TIPARP: variants seen among roughly 807,000 people sequenced by gnomAD.
TIPARP encodes the protein protein mono-ADP-ribosyltransferase TIPARP.
Under a neutral mutation model 56.5 loss-of-function variants are expected in TIPARP, and 12 were observed. The observed-to-expected ratio is 0.21, with a 90% CI of 0.14 to 0.34. TIPARP has a LOEUF of 0.34. Ranked by LOEUF, TIPARP falls within the 10% of genes least tolerant of loss-of-function variation. TIPARP has a pLI of 1.00. For synonymous variants in TIPARP, 296 were observed against 265.7 expected (o/e 1.11, Z -1.11); for missense variants, 604 against 781.6 (o/e 0.77, Z 2.71).
At chr3:156,695,785 CT>C in intron 3 of TIPARP, 79 bp from the exon 4 acceptor site, 1 of 1,449,428 alleles carries the variant, frequency 6.9e-7, no homozygotes, top group African/African-American at 1.5e-5. Context: ...TAACTTTTGC[CT>C]TTGGTTAATT....
At chr3:156,686,242 C>A (rs1008890943) in intron 2 of TIPARP, among the ~76,000 whole-genome samples, 1 of 152,146 alleles carries the variant, frequency 6.6e-6, no homozygotes, top group Admixed American at 6.5e-5. Context: ...AAATTTGTTA[C>A]TCAGAAATAA....
intron 2 of TIPARP, among the ~76,000 whole-genome samples, chr3:156,679,475 G>A (rs527668764): frequency 3.9e-5 from 6 of 152,308 alleles, no homozygotes; most frequent in Admixed American, 3.3e-4. Context: ...TATATAATAA[G>A]CATTAATGTT....
rs540275859 is a variant in TIPARP at position 156,693,882 on chromosome 3, T to A, written c.918-138T>A. 15 of 1,008,508 alleles carry A rather than the reference T, an allele frequency of 1.5e-5. No individual in the cohort carries two copies. In the African/African-American group the frequency reaches 1.7e-4, roughly 11 times the overall value. The allele number at this position is 1,008,508 out of a possible 1,614,324, so 62.5% of individuals were successfully genotyped here. ...CAACCGGCAATAAATATGCTTTTAC[T>A]CCAAGTAAAGCAAGTTTTGAAAATT... On this transcript the variant is annotated intron_variant, in intron 2 of 5. Coordinates refer to ENST00000295924, the MANE Select transcript of TIPARP (RefSeq NM_015508.5).
At chr3:156,694,783 T>A (rs552181347) in intron 3 of TIPARP, among the ~76,000 whole-genome samples, 1 of 152,332 alleles carries the variant, frequency 6.6e-6, no homozygotes, top group East Asian at 1.9e-4. Flanking sequence ...GAATGACAAT[T>A]CTGAGTCATT....
chr3:156,696,320 A>G (rs1722714230), intron 4 of TIPARP, among the ~76,000 whole-genome samples: 1 of 152,150 alleles, frequency 6.6e-6, no homozygotes, highest in Non-Finnish European at 1.5e-5. Context: ...TACCTCCTTC[A>G]TGGAAGATTT....
rs1373068707 is a variant in TIPARP, at chr3:156,674,605, AG to A, written c.-231del. The A allele has an allele frequency of 2.6e-5, 4 of 152,602 alleles. No homozygotes were observed. Among genetic ancestry groups the A allele is most frequent in the African/African-American group, 9.6e-5 (4 of 41,470 alleles). 9.5% of individuals were successfully genotyped at this position (152,602 alleles called of 1,614,324 possible). A position where few individuals can be genotyped will look rare whatever the true frequency, so the allele number is the denominator to read the frequency against. ...CACTTAAAGCAGAGATCGAGGTGACAGGCGAGCTGGCTGGACTCGGAGCGCG... is the reference window on the plus strand; with the variant it reads ...CACTTAAAGCAGAGATCGAGGTGACAGCGAGCTGGCTGGACTCGGAGCGCG... On this transcript the variant is annotated 5_prime_UTR_variant, in exon 1 of 6. Coordinates refer to ENST00000295924, the MANE Select transcript of TIPARP (RefSeq NM_015508.5).
At chr3:156,689,576 A>G (rs1722515206) in intron 2 of TIPARP, among the ~76,000 whole-genome samples, 1 of 152,210 alleles carries the variant, frequency 6.6e-6, no homozygotes, top group Admixed American at 6.5e-5. Context: ...TTTGTTGTAA[A>G]TTCACTGGTG....
At chr3:156,675,391 G>A (rs979195327) in intron 1 of TIPARP, 3 of 152,334 alleles carry the variant, frequency 2.0e-5, no homozygotes, top group African/African-American at 4.8e-5. Context: ...CTCCTCGGGA[G>A]GTGAGCTGAG....
chr3:156,699,664 G>C (rs1239726813), intron 4 of TIPARP, among the ~76,000 whole-genome samples: 1 of 152,028 alleles, frequency 6.6e-6, no homozygotes, highest in Non-Finnish European at 1.5e-5. Flanking sequence ...TTATTGCAGT[G>C]GTCTGGAATA....
In TIPARP at chr3:156,698,486, A is replaced by C. The variant is rs1003544719; in HGVS notation, c.1247+2461A>C. Among the ~76,000 whole-genome samples the C allele has an allele frequency of 1.3e-5, 2 of 152,208 alleles. 1 individual carries two copies. The highest frequency in any genetic ancestry group is 6.3e-3 in the Middle Eastern group (2 of 316). ...AAGTTGAAGCCTAGGGCCCTTGAAA[A>C]TTGTGCTAAATCTACTCTGCCTGTG... On this transcript the variant is annotated intron_variant, in intron 4 of 5. Coordinates refer to ENST00000295924, the MANE Select transcript of TIPARP (RefSeq NM_015508.5).
In TIPARP at chr3:156,678,380, A is replaced by C; in HGVS notation, c.683A>C (p.Asn228Thr). ...ASLDLVFELV[N>T]QLQYHTHQEN... ...CTTGACCTCGTGTTTGAGCTGGTGA[A>C]CCAGTTGCAGTACCACACTCACCAA... The change falls in exon 2 of 6, where the codon AAC becomes ACC. Residue 228 changes from asparagine (N) to threonine (T), a missense_variant. Around this residue, in one of 4 missense-constraint regions of TIPARP, gnomAD observed 261 missense variants for 279.2 expected, o/e 0.93. Coordinates refer to ENST00000295924, the MANE Select transcript of TIPARP (RefSeq NM_015508.5). 1 of 1,614,242 alleles carries C rather than the reference A, an allele frequency of 6.2e-7. No individual in the cohort carries two copies. Among genetic ancestry groups the C allele is most frequent in the South Asian group, 1.1e-5 (1 of 91,092 alleles).
At chr3:156,695,477 C>T (rs1267756214) in intron 3 of TIPARP, among the ~76,000 whole-genome samples, 2 of 151,978 alleles carry the variant, frequency 1.3e-5, no homozygotes, top group East Asian at 3.9e-4. Context: ...TCTCTGCCTC[C>T]CAAAGCGTGG....
intron 1 of TIPARP, among the ~76,000 whole-genome samples, chr3:156,677,373 C>A (rs926396754): frequency 6.6e-6 from 1 of 152,162 alleles, no homozygotes; most frequent in African/African-American, 2.4e-5. Context: ...AAATTCTTAA[C>A]CTAGCAGAAT....
chr3:156,676,400 A>G (rs973102193), intron 1 of TIPARP, among the ~76,000 whole-genome samples: 1 of 152,222 alleles, frequency 6.6e-6, no homozygotes, highest in Non-Finnish European at 1.5e-5. Flanking sequence ...TGACTCTCCA[A>G]TTAAATTTTT....
chr3:156,679,470 A>G (rs1722236990), intron 2 of TIPARP, among the ~76,000 whole-genome samples: 1 of 152,252 alleles, frequency 6.6e-6, no homozygotes. Context: ...ATGGCTATAT[A>G]ATAAGCATTA....
chr3:156,685,660 G>A (rs1164621215), intron 2 of TIPARP, among the ~76,000 whole-genome samples: 1 of 152,222 alleles, frequency 6.6e-6, no homozygotes, highest in Admixed American at 6.5e-5. Flanking sequence ...ACACTTACAA[G>A]AATTTCTCTT....
At chr3:156,675,053 G>A in intron 1 of TIPARP, 1 of 152,294 alleles carries the variant, frequency 6.6e-6, no homozygotes, top group East Asian at 1.9e-4. Flanking sequence ...AGGCGCCGAA[G>A]GATTTAGTTG....
intron 2 of TIPARP, among the ~76,000 whole-genome samples, chr3:156,689,936 G>C (rs1265239284): frequency 1.3e-5 from 2 of 152,094 alleles, no homozygotes; most frequent in Admixed American, 1.3e-4. Flanking sequence ...GACCACCTTT[G>C]TGCCACACTT....
intron 4 of TIPARP, among the ~76,000 whole-genome samples, chr3:156,703,081 A>G (rs1722891686): frequency 1.3e-5 from 2 of 152,234 alleles, no homozygotes; most frequent in Non-Finnish European, 2.9e-5. Flanking sequence ...AAGAAAACAT[A>G]TAACAAAGTT....
Sources: allele counts gnomAD v4.1 joint callset (sites outside exome capture counted in the v4.1 genomes callset), GRCh38; gene constraint gnomAD v4.1.1; regional missense constraint gnomAD v4.1.1; transcripts MANE v1.5; gene names NCBI Gene and HGNC (gene_info 2026-07-23, HGNC 2026-07-21).